The following RUNDC3B variants were observed in gnomAD, a reference collection of about 807,000 sequenced individuals.
The protein encoded by RUNDC3B is RUN domain-containing protein 3B.
RUNDC3B carries 33 observed loss-of-function variants against 58.4 expected under a neutral mutation model. That is an observed-to-expected ratio of 0.56 (90% CI 0.43 to 0.75). The LOEUF (loss-of-function observed/expected upper bound fraction) is 0.75. Among genes scored for constraint, RUNDC3B ranks in the 30% least tolerant of loss-of-function variants. The pLI is 0.00. For synonymous variants in RUNDC3B, 193 were observed against 195.2 expected, an observed-to-expected ratio of 0.99 and a Z score of 0.10; for missense variants, 501 against 535.7, an observed-to-expected ratio of 0.94 and a Z score of 0.64.
chr7:87,707,023 T>G (rs981782093), intron 3 of RUNDC3B, among the ~76,000 whole-genome samples: 1 of 151,932 alleles, frequency 6.6e-6, no homozygotes, highest in African/African-American at 2.4e-5. Flanking sequence ...ATCTTTGGAG[T>G]AAGGGAAATT....
intron 2 of RUNDC3B, among the ~76,000 whole-genome samples, chr7:87,656,256 AAATTTTTAAAT>A (rs1373524971): frequency 6.6e-6 from 1 of 152,124 alleles, no homozygotes; most frequent in Non-Finnish European, 1.5e-5. Context: ...GTCAATTTAA[AAATTTTTAAAT>A]AATTTTTAAA....
At chr7:87,771,166 C>A (rs1479339088) in intron 7 of RUNDC3B, among the ~76,000 whole-genome samples, 1 of 152,076 alleles carries the variant, frequency 6.6e-6, no homozygotes, top group Non-Finnish European at 1.5e-5. Flanking sequence ...AGAAAGAAAA[C>A]AAACTCTATT....
intron 8 of RUNDC3B, among the ~76,000 whole-genome samples, chr7:87,799,269 G>A (rs942661731): frequency 6.6e-6 from 1 of 152,106 alleles, no homozygotes; most frequent in Non-Finnish European, 1.5e-5. Flanking sequence ...TGAGTAGAGG[G>A]CAAGGACCAA....
At chr7:87,737,559 C>A (rs532150859) in intron 4 of RUNDC3B, among the ~76,000 whole-genome samples, 2 of 151,990 alleles carry the variant, frequency 1.3e-5, no homozygotes, top group Non-Finnish European at 2.9e-5. Context: ...CTTCTCAGAT[C>A]GTTTCAGTTT....
At chr7:87,754,121 A>C (rs1833208728) in intron 6 of RUNDC3B, among the ~76,000 whole-genome samples, 1 of 152,226 alleles carries the variant, frequency 6.6e-6, no homozygotes, top group Non-Finnish European at 1.5e-5. Context: ...TTCCACCTCC[A>C]AATAACAGAA....
chr7:87,704,709 G>A (rs565564770), intron 3 of RUNDC3B, among the ~76,000 whole-genome samples: 1 of 152,298 alleles, frequency 6.6e-6, no homozygotes, highest in African/African-American at 2.4e-5. Context: ...TTTTGCTCAG[G>A]CCTCAAACAG....
intron 4 of RUNDC3B, among the ~76,000 whole-genome samples, chr7:87,725,991 G>A (rs1831206566): frequency 6.6e-6 from 1 of 152,072 alleles, no homozygotes; most frequent in East Asian, 1.9e-4. Flanking sequence ...CTGGATATTA[G>A]CCCTTTGTCA....
intron 6 of RUNDC3B, among the ~76,000 whole-genome samples, chr7:87,760,763 CTGACTATCCACA>C (rs1400469502): frequency 6.6e-6 from 1 of 152,020 alleles, no homozygotes; most frequent in Non-Finnish European, 1.5e-5. Flanking sequence ...GCTGGGACAA[CTGACTATCCACA>C]TGCAAATGAG....
chr7:87,726,229 A>G (rs1403233967), intron 4 of RUNDC3B, among the ~76,000 whole-genome samples: 1 of 152,128 alleles, frequency 6.6e-6, no homozygotes, highest in Non-Finnish European at 1.5e-5. Context: ...TTTTAGGTCT[A>G]ACATTTAAGT....
chr7:87,740,953 C>T (rs28535601), intron 5 of RUNDC3B, among the ~76,000 whole-genome samples: 7,376 of 151,962 alleles, frequency 0.049, 266 homozygotes, highest in East Asian at 0.092. Context: ...ACCTGTAATC[C>T]CAACACTTTA....
At chr7:87,692,693 C>T (rs1194476053) in intron 2 of RUNDC3B, among the ~76,000 whole-genome samples, 1 of 152,000 alleles carries the variant, frequency 6.6e-6, no homozygotes, top group East Asian at 1.9e-4. Flanking sequence ...TGTTTTAGGA[C>T]AGAGATAGTA....
intron 6 of RUNDC3B, among the ~76,000 whole-genome samples, chr7:87,745,897 GTCAGTTTGTACTCTT>G (rs1198866640): frequency 2.0e-5 from 3 of 152,058 alleles, no homozygotes; most frequent in African/African-American, 7.2e-5. Flanking sequence ...ACCTTAGAAC[GTCAGTTTGTACTCTT>G]TCAGTCTTTT....
rs74718662 is a variant in RUNDC3B at position 87,673,099 on chromosome 7, G to A, written c.238+22162G>A. On this transcript the variant is annotated intron_variant, in intron 2 of 10. Transcript: ENST00000394654. The stretch of plus-strand genomic sequence containing the variant: ...TGAAAGGTTTGCTGTTTGCCTGATC[G>A]GGTTCCCTTTGTAGGTGACCTTCCC... Among the ~76,000 whole-genome samples, 374 of 152,246 alleles carry A rather than the reference G, an allele frequency of 2.5e-3. 1 individual carries two copies. Among genetic ancestry groups the A allele is most frequent in the African/African-American group, 8.3e-3 (345 of 41,532 alleles).
intron 1 of RUNDC3B, among the ~76,000 whole-genome samples, chr7:87,642,344 C>G (rs1050541973): frequency 6.6e-6 from 1 of 151,840 alleles, no homozygotes; most frequent in Non-Finnish European, 1.5e-5. Flanking sequence ...CTGTTCTTCA[C>G]GTTGTTCTAT....
Position 87,700,442 on chromosome 7 carries a change from A to C in RUNDC3B, c.260A>C (p.Tyr87Ser). 2 of 1,612,052 alleles carry C rather than the reference A, an allele frequency of 1.2e-6. No individual in the cohort carries two copies. The highest frequency in any genetic ancestry group is 1.7e-6 in the Non-Finnish European group (2 of 1,179,338). ...RLKGQVTWFGYESPRSFWDYI... is the reference protein window; with the variant it reads ...RLKGQVTWFGSESPRSFWDYI... ...GAAGGTCAAGTAACCTGGTTTGGTT[A>C]TGAAAGTCCTCGTAGCTTCTGGGAC... is the stretch of plus-strand genomic sequence containing the variant. The change falls in exon 3 of 11, where the codon TAT (tyrosine) becomes TCT (serine). Residue 87 changes from tyrosine (Y) to serine (S), a missense_variant. Physicochemically the swap from Tyr to Ser is moderately radical, Grantham distance 144 (BLOSUM62 -2). Transcript: ENST00000394654.
At chr7:87,727,015 CAAT>C (rs1358750416) in intron 4 of RUNDC3B, among the ~76,000 whole-genome samples, 2 of 152,148 alleles carry the variant, frequency 1.3e-5, no homozygotes. Flanking sequence ...TCTAAATATA[CAAT>C]CATGTCATCT....
chr7:87,692,178 T>C (rs1388694574), intron 2 of RUNDC3B, among the ~76,000 whole-genome samples: 1 of 152,116 alleles, frequency 6.6e-6, no homozygotes, highest in Non-Finnish European at 1.5e-5. Context: ...AGGCCAGGCA[T>C]GGTGGCTCAC....
chr7:87,818,756 T>C (rs575006162), intron 10 of RUNDC3B, among the ~76,000 whole-genome samples: 1 of 152,270 alleles, frequency 6.6e-6, no homozygotes, highest in South Asian at 2.1e-4. Flanking sequence ...TTGGGATGTT[T>C]GTGGCAGGCT....
chr7:87,770,807 T>C, intron 7 of RUNDC3B, 58 bp downstream of exon 7: 2 of 1,169,010 alleles, frequency 1.7e-6, no homozygotes, highest in Non-Finnish European at 2.5e-6. Context: ...CTTTGAACTG[T>C]GACTGCCAAA....
Sources: allele counts gnomAD v4.1 joint callset (sites outside exome capture counted in the v4.1 genomes callset), GRCh38; gene constraint gnomAD v4.1.1; transcripts MANE v1.5; gene names NCBI Gene and HGNC (gene_info 2026-07-23, HGNC 2026-07-21).